The following ATP6V0D2 variants were observed in gnomAD, a reference collection of about 807,000 sequenced individuals.
The protein encoded by ATP6V0D2 is ATPase H+ transporting V0 subunit d2, also known as V-type proton ATPase subunit d 2.
Under a neutral mutation model 40.0 loss-of-function variants are expected in ATP6V0D2, and 40 were observed. That is an observed-to-expected ratio of 1.00 (90% CI 0.78 to 1.30). The LOEUF (loss-of-function observed/expected upper bound fraction) is 1.30, where lower values mean the gene tolerates loss of function less well. Ranked by LOEUF, ATP6V0D2 falls within the 50% of genes most tolerant of loss-of-function variation. ATP6V0D2 has a pLI of 0.00. For missense variants in ATP6V0D2, 470 were observed against 423.1 expected, an observed-to-expected ratio of 1.11 and a Z score of -0.97; for synonymous variants, 179 against 156.3, an observed-to-expected ratio of 1.15 and a Z score of -1.08.
In ATP6V0D2 at chr8:86,150,188, C is replaced by A; in HGVS notation, c.716C>A (p.Thr239Asn). ...GAATTGAGCAAAGAAGACCGAGAGA[C>A]CCTCTATCCAACCTTCGGCAAACTC... ...GTELSKEDRETLYPTFGKLYP... is the reference protein window; with the variant it reads ...GTELSKEDRENLYPTFGKLYP... Residue 239 changes from threonine to asparagine, a missense_variant, in exon 6 of 8, where the codon ACC (threonine) becomes AAC (asparagine). By Grantham distance (65) the Thr-to-Asn change is moderately conservative. Coordinates refer to ENST00000285393, the MANE Select transcript of ATP6V0D2 (RefSeq NM_152565.1). 6.2e-7 allele frequency: 1 copy of A among 1,613,310 alleles called. No homozygotes were observed.
chr8:86,152,873 T>A lies in ATP6V0D2; in HGVS notation c.949T>A (p.Tyr317Asn), dbSNP rs1342561041. The A allele has an allele frequency of 6.8e-6, 11 of 1,612,874 alleles. No homozygotes were observed. Among genetic ancestry groups the A allele is most frequent in the Non-Finnish European group, 9.3e-6 (11 of 1,179,514 alleles). Residue 317 changes from tyrosine to asparagine, a missense_variant, in exon 8 of 8, where the codon TAT (tyrosine) becomes AAT (asparagine). Physicochemically the swap from Tyr to Asn is moderately radical, Grantham distance 143. Coordinates refer to ENST00000285393, the MANE Select transcript of ATP6V0D2 (RefSeq NM_152565.1). The part of the protein sequence containing the change: ...RQFHYGVFYA[Y>N]VKLKEQEIRN... ...GTTCCACTACGGTGTGTTTTATGCA[T>A]ATGTAAAGCTGAAGGAACAGGAAAT...
chr8:86,124,166 C>G (rs74795682), intron 2 of ATP6V0D2, among the ~76,000 whole-genome samples: 7,285 of 152,164 alleles, frequency 0.048, 589 homozygotes, highest in African/African-American at 0.16. Flanking sequence ...TGGGAATAGT[C>G]AAAGGGGAGC....
chr8:86,134,466 C>T (rs1234767925), intron 2 of ATP6V0D2, among the ~76,000 whole-genome samples: 1 of 152,000 alleles, frequency 6.6e-6, no homozygotes, highest in East Asian at 1.9e-4. Context: ...ACAGTTGAAG[C>T]AAAAATCATT....
At chr8:86,148,051 A>T (rs1819096123) in intron 5 of ATP6V0D2, among the ~76,000 whole-genome samples, 1 of 151,860 alleles carries the variant, frequency 6.6e-6, no homozygotes, top group Non-Finnish European at 1.5e-5. Context: ...TCTGGCCTGG[A>T]CTCTGCTGTT....
intron 1 of ATP6V0D2, among the ~76,000 whole-genome samples, chr8:86,113,362 G>A (rs925807020): frequency 6.6e-6 from 1 of 152,034 alleles, no homozygotes; most frequent in Non-Finnish European, 1.5e-5. Context: ...CACGCCTGTG[G>A]CCCCAGTTAC....
At chr8:86,143,119 T>C (rs1256542779) in intron 5 of ATP6V0D2, among the ~76,000 whole-genome samples, 165 bp downstream of exon 5, 1 of 152,148 alleles carries the variant, frequency 6.6e-6, no homozygotes, top group African/African-American at 2.4e-5. Flanking sequence ...TGATTAAGAG[T>C]TGTATTTTCC....
intron 2 of ATP6V0D2, among the ~76,000 whole-genome samples, chr8:86,115,357 C>CTTTT (rs1586088786): frequency 5.0e-4 from 40 of 79,462 alleles, no homozygotes; most frequent in South Asian, 1.7e-3. Flanking sequence ...CCGTATCATC[C>CTTTT]ATTTTTTTTT....
At chr8:86,139,703 T>G in intron 3 of ATP6V0D2, 68 bp downstream of exon 3, 1 of 1,468,084 alleles carries the variant, frequency 6.8e-7, no homozygotes, top group Non-Finnish European at 9.1e-7. Context: ...AATGTACTAT[T>G]TTTTTCTTCC....
At chr8:86,114,382 A>G (rs1215752023) in intron 2 of ATP6V0D2, among the ~76,000 whole-genome samples, 1 of 152,206 alleles carries the variant, frequency 6.6e-6, no homozygotes, top group Non-Finnish European at 1.5e-5. Context: ...ATTCTACAAA[A>G]TATTTGGGGC....
chr8:86,119,142 G>C (rs1023510078), intron 2 of ATP6V0D2, among the ~76,000 whole-genome samples: 3 of 151,782 alleles, frequency 2.0e-5, no homozygotes, highest in African/African-American at 7.3e-5. Flanking sequence ...ACTGGGAAAT[G>C]CTCTAGTTCT....
chr8:86,117,986 C>A (rs1818612790), intron 2 of ATP6V0D2, among the ~76,000 whole-genome samples: 1 of 147,926 alleles, frequency 6.8e-6, no homozygotes. Context: ...GAGTGTTTTT[C>A]TTTTCTTTCT....
intron 1 of ATP6V0D2, among the ~76,000 whole-genome samples, chr8:86,112,570 A>G (rs1231413230): frequency 6.6e-6 from 1 of 152,164 alleles, no homozygotes; most frequent in Non-Finnish European, 1.5e-5. Context: ...CTGGTACCTA[A>G]TAAGCACTCA....
At chr8:86,136,408 G>A (rs1818897943) in intron 2 of ATP6V0D2, among the ~76,000 whole-genome samples, 1 of 151,776 alleles carries the variant, frequency 6.6e-6, no homozygotes, top group East Asian at 1.9e-4. Flanking sequence ...TTACATTGCA[G>A]GGGAGGTTGT....
chr8:86,128,580 G>A (rs1175220243), intron 2 of ATP6V0D2, among the ~76,000 whole-genome samples: 1 of 152,170 alleles, frequency 6.6e-6, no homozygotes. Flanking sequence ...CAAACAGTTG[G>A]CAAGCAATGT....
intron 2 of ATP6V0D2, among the ~76,000 whole-genome samples, chr8:86,136,054 C>T (rs868298508): frequency 6.6e-6 from 1 of 152,174 alleles, no homozygotes; most frequent in African/African-American, 2.4e-5. Context: ...AGAGACACCC[C>T]TGCCCCTCAT....
intron 5 of ATP6V0D2, among the ~76,000 whole-genome samples, chr8:86,145,437 G>A (rs1480098401): frequency 2.0e-5 from 3 of 148,212 alleles, no homozygotes; most frequent in Admixed American, 6.7e-5. Flanking sequence ...TCTCTATGTT[G>A]TCCAAGCCTG....
intron 2 of ATP6V0D2, among the ~76,000 whole-genome samples, chr8:86,123,843 A>G (rs555170592): frequency 6.6e-6 from 1 of 152,280 alleles, no homozygotes; most frequent in East Asian, 1.9e-4. Context: ...AAGAACTAAC[A>G]TTATCATCAC....
intron 2 of ATP6V0D2, among the ~76,000 whole-genome samples, chr8:86,128,869 C>A (rs912729211): frequency 6.6e-6 from 1 of 152,180 alleles, no homozygotes; most frequent in Non-Finnish European, 1.5e-5. Context: ...CACACCACAA[C>A]TGACATGATA....
chr8:86,143,613 G>A (rs752140861), intron 5 of ATP6V0D2, among the ~76,000 whole-genome samples: 9 of 152,208 alleles, frequency 5.9e-5, no homozygotes, highest in Non-Finnish European at 1.2e-4. Flanking sequence ...CACTCTCAGT[G>A]CCATCTTGGT....
Sources: gnomAD v4.1 joint callset for allele counts (sites outside exome capture counted in the v4.1 genomes callset) on GRCh38, gnomAD v4.1.1 for gene constraint, MANE v1.5 for transcripts, NCBI Gene and HGNC (gene_info 2026-07-23, HGNC 2026-07-21) for gene names.